Variants in GPC5 observed in about 807,000 individuals in gnomAD.
The protein encoded by GPC5 is glypican 5.
Under a neutral mutation model 53.9 loss-of-function variants are expected in GPC5, and 47 were observed. The ratio of observed to expected loss-of-function variants is 0.87; its 90% CI spans 0.69 to 1.11. The LOEUF (loss-of-function observed/expected upper bound fraction) is 1.11, where lower values mean the gene tolerates loss of function less well. GPC5 is among the 50% of genes most tolerant of loss of function. The pLI is 0.00. For missense variants in GPC5, 748 were observed against 713.1 expected (o/e 1.05, Z -0.56); for synonymous variants, 286 against 263.3 (o/e 1.09, Z -0.84).
intron 6 of GPC5, among the ~76,000 whole-genome samples, chr13:92,021,159 G>T (rs548098722): frequency 1.3e-5 from 2 of 152,210 alleles, no homozygotes; most frequent in South Asian, 2.1e-4. Context: ...TTATTCAAAA[G>T]AATTGAAATT....
intron 7 of GPC5, among the ~76,000 whole-genome samples, chr13:92,613,332 TATA>T (rs1257990265): frequency 5.7e-5 from 6 of 104,354 alleles, no homozygotes; most frequent in Admixed American, 1.4e-4. Flanking sequence ...ATTTATATAA[TATA>T]ATATATTTAT....
intron 1 of GPC5, among the ~76,000 whole-genome samples, chr13:91,442,179 C>T (rs187453005): frequency 1.5e-3 from 223 of 152,290 alleles, no homozygotes; most frequent in African/African-American, 5.2e-3. Flanking sequence ...TAACTACCAC[C>T]CAGGTTGAAA....
At chr13:92,324,509 G>A (rs1216918814) in intron 7 of GPC5, among the ~76,000 whole-genome samples, 1 of 151,834 alleles carries the variant, frequency 6.6e-6, no homozygotes, top group African/African-American at 2.4e-5. Flanking sequence ...GAATATTAAT[G>A]CCTGAGAGTA....
chr13:91,742,192 T>C (rs1277313462), intron 4 of GPC5, among the ~76,000 whole-genome samples: 2 of 151,592 alleles, frequency 1.3e-5, no homozygotes, highest in African/African-American at 4.9e-5. Context: ...CTGCAGGGGG[T>C]CAAACTACAG....
intron 7 of GPC5, among the ~76,000 whole-genome samples, chr13:92,194,690 A>T (rs1016108778): frequency 6.6e-6 from 1 of 152,214 alleles, no homozygotes; most frequent in Non-Finnish European, 1.5e-5. Flanking sequence ...ATCAGAGAGT[A>T]GACTAGGAAA....
At chr13:92,535,311 C>T (rs933747517) in intron 7 of GPC5, among the ~76,000 whole-genome samples, 4 of 152,016 alleles carry the variant, frequency 2.6e-5, no homozygotes, top group Admixed American at 1.3e-4. Flanking sequence ...CCAAGGGTTC[C>T]GTCTAGGTCT....
In GPC5 at chr13:91,438,543, C is replaced by T. The variant is rs182909056; in HGVS notation, c.164-10218C>T. Among the ~76,000 whole-genome samples, 1,144 of 152,248 alleles carry T rather than the reference C, an allele frequency of 7.5e-3. 20 individuals are homozygous for T. The South Asian group carries it at 0.079, about 11-fold the overall frequency. On this transcript the variant is annotated intron_variant, in intron 1 of 7. Transcript: ENST00000377067. The stretch of plus-strand genomic sequence containing the variant: ...GGAAGTTTTGTCTCAGAGGAGTACC[C>T]GGACTTGTGAGGTGTCAGTCTGCCC...
intron 7 of GPC5, among the ~76,000 whole-genome samples, chr13:92,307,738 T>A (rs1367447434): frequency 6.6e-6 from 1 of 152,030 alleles, no homozygotes; most frequent in Non-Finnish European, 1.5e-5. Context: ...GGTGCTGGGA[T>A]AAAGGAAGAG....
At chr13:92,372,699 TC>T (rs1246034283) in intron 7 of GPC5, among the ~76,000 whole-genome samples, 3 of 150,000 alleles carry the variant, frequency 2.0e-5, no homozygotes, top group Non-Finnish European at 2.9e-5. Context: ...CTGTAGAGTA[TC>T]TTTTTTTGTG....
intron 7 of GPC5, among the ~76,000 whole-genome samples, chr13:92,379,362 T>C (rs1014703372): frequency 6.6e-6 from 1 of 152,192 alleles, no homozygotes; most frequent in South Asian, 2.1e-4. Flanking sequence ...CACTTTTTTA[T>C]TTTTCTTACC....
At chr13:91,517,610 T>G (rs957611605) in intron 2 of GPC5, among the ~76,000 whole-genome samples, 1 of 152,226 alleles carries the variant, frequency 6.6e-6, no homozygotes, top group Non-Finnish European at 1.5e-5. Flanking sequence ...TGTTACCCAG[T>G]TCCAAATTGC....
At chr13:91,906,576 G>T (rs1647467980) in intron 5 of GPC5, among the ~76,000 whole-genome samples, 2 of 152,044 alleles carry the variant, frequency 1.3e-5, no homozygotes, top group African/African-American at 4.8e-5. Context: ...ACAAATGAAT[G>T]AGTTAATTAC....
At chr13:91,416,508 T>C (rs990483781) in intron 1 of GPC5, among the ~76,000 whole-genome samples, 2 of 150,574 alleles carry the variant, frequency 1.3e-5, no homozygotes, top group African/African-American at 4.9e-5. Context: ...GTGCACAAAG[T>C]GTAGGTTTTT....
chr13:92,521,883 C>T (rs1478035999), intron 7 of GPC5, among the ~76,000 whole-genome samples: 1 of 152,104 alleles, frequency 6.6e-6, no homozygotes, highest in African/African-American at 2.4e-5. Context: ...ACCCACCTGA[C>T]AAAGGGCTAA....
intron 7 of GPC5, among the ~76,000 whole-genome samples, chr13:92,395,407 C>A (rs540076572): frequency 6.6e-6 from 1 of 152,064 alleles, no homozygotes; most frequent in African/African-American, 2.4e-5. Context: ...CCGTTTTGTC[C>A]CTTATAGCAC....
chr13:92,546,172 C>T (rs543818756), intron 7 of GPC5, among the ~76,000 whole-genome samples: 1 of 152,088 alleles, frequency 6.6e-6, no homozygotes, highest in African/African-American at 2.4e-5. Flanking sequence ...AGGGCAACTT[C>T]AGGCAGGAGA....
chr13:91,889,269 G>A (rs1030822453), intron 5 of GPC5, among the ~76,000 whole-genome samples: 66 of 152,078 alleles, frequency 4.3e-4, no homozygotes, highest in Non-Finnish European at 4.7e-4. Context: ...CTGGGGAGAG[G>A]TAACTACCAT....
intron 2 of GPC5, among the ~76,000 whole-genome samples, chr13:91,672,291 G>A (rs1290147681): frequency 1.3e-5 from 2 of 152,186 alleles, no homozygotes; most frequent in African/African-American, 2.4e-5. Flanking sequence ...TATCATCAGA[G>A]TGAACAGGCA....
At chr13:92,847,698 CCTGT>C (rs764362942) in intron 7 of GPC5, among the ~76,000 whole-genome samples, 2 of 151,816 alleles carry the variant, frequency 1.3e-5, no homozygotes, top group Non-Finnish European at 2.9e-5. Context: ...ACTGATACAC[CCTGT>C]CTTTGTTGAG....
Sources: allele counts gnomAD v4.1 joint callset (sites outside exome capture counted in the v4.1 genomes callset), GRCh38; gene constraint gnomAD v4.1.1; transcripts MANE v1.5; gene names NCBI Gene and HGNC (gene_info 2026-07-23, HGNC 2026-07-21).